Variants in B3GNT3 observed in about 807,000 individuals in gnomAD.
B3GNT3 encodes UDP-GlcNAc:betaGal beta-1,3-N-acetylglucosaminyltransferase 3.
In B3GNT3, 7 loss-of-function variants were observed where a neutral mutation model predicts 11.6. The observed-to-expected ratio is 0.60, with a 90% CI of 0.34 to 1.13. B3GNT3 has a LOEUF of 1.13. Among genes scored for constraint, B3GNT3 ranks in the 50% most tolerant of loss-of-function variants. B3GNT3 has a pLI of 0.03. For missense variants in B3GNT3, 400 were observed against 507.4 expected (o/e 0.79, Z 2.03); for synonymous variants, 201 against 222.1 (o/e 0.90, Z 0.85).
chr19:17,805,798 T>C (rs1323503500), intron 1 of B3GNT3, among the ~76,000 whole-genome samples: 5 of 151,984 alleles, frequency 3.3e-5, no homozygotes, highest in Non-Finnish European at 7.4e-5. Context: ...GTTAGTATCA[T>C]TTACAATTTT....
At position 17,808,199 on chromosome 19, in the gene B3GNT3, GC is replaced by G; in HGVS notation, c.394del (p.Arg132AlafsTer107). On this transcript the variant is annotated frameshift_variant, in exon 2 of 3. Transcript: ENST00000318683. LOFTEE classifies it high-confidence loss of function. ...VRRELLRRTW[G>X]RERKVRGLQL... ...CGCGAGCTGCTGCGGCGCACGTGGG[GC>G]CGCGAGCGCAAGGTACGGGGTTTGC... is the stretch of plus-strand genomic sequence containing the variant. 6.2e-7 allele frequency: 1 copy of G among 1,611,526 alleles called. No individual in the cohort carries two copies. The highest frequency in any genetic ancestry group is 8.5e-7 in the Non-Finnish European group (1 of 1,178,274).
In B3GNT3 at chr19:17,811,337, A is replaced by C. The variant is rs1188710738; in HGVS notation, c.568-234A>C. Among the ~76,000 whole-genome samples, 2 of 152,218 alleles carry C rather than the reference A, an allele frequency of 1.3e-5. No homozygotes were observed. Among genetic ancestry groups the C allele is most frequent in the Non-Finnish European group, 2.9e-5 (2 of 68,034 alleles). On this transcript the variant is annotated intron_variant, in intron 2 of 2. Coordinates refer to ENST00000318683, the MANE Select transcript of B3GNT3 (RefSeq NM_014256.4). The surrounding 1 kb of genome is among the most constrained non-coding windows in gnomAD (Gnocchi z 4.1). ...AGCATTTCTTGGTGCTTCATGGAGCATGGTCTCCATGGATTCCCCAACACT... is the reference window on the plus strand; with the variant it reads ...AGCATTTCTTGGTGCTTCATGGAGCCTGGTCTCCATGGATTCCCCAACACT...
rs541535699 is a variant in B3GNT3 at position 17,811,819 on chromosome 19, C to A, written c.816C>A (p.Gly272=). Residue 272 remains glycine (G), a synonymous_variant, in exon 3 of 3, where the codon GGC becomes GGA. Transcript: ENST00000318683. This position sits in a 1 kb window ranked among gnomAD's most constrained non-coding sequence, Gnocchi z 4.1. ...ACCCACCCTATTGTGGGGGTGGTGG[C>A]TTCTTGCTGTCCCGCTTCACGGCCG... The part of the protein sequence containing the change: ...ERYPPYCGGG[G]FLLSRFTAAA... 6.2e-7 allele frequency: 1 copy of A among 1,614,228 alleles called. No homozygotes were observed. Among genetic ancestry groups the A allele is most frequent in the African/African-American group, 1.3e-5 (1 of 75,056 alleles).
At chr19:17,797,159 T>C (rs553178790) in intron 1 of B3GNT3, among the ~76,000 whole-genome samples, 6 of 152,212 alleles carry the variant, frequency 3.9e-5, no homozygotes, top group Non-Finnish European at 7.4e-5. Flanking sequence ...AGCACACATA[T>C]AGAGTTTAGA....
At chr19:17,796,856 G>A (rs901222575) in intron 1 of B3GNT3, among the ~76,000 whole-genome samples, 17 of 152,228 alleles carry the variant, frequency 1.1e-4, no homozygotes, top group Admixed American at 1.0e-3. Context: ...ATTTCCTCCT[G>A]CCACCAGCCT....
At chr19:17,810,944 AT>A (rs11329592) in intron 2 of B3GNT3, among the ~76,000 whole-genome samples, 87,143 of 151,278 alleles carry the variant, frequency 0.58, 25,616 homozygotes, top group African/African-American at 0.67. Flanking sequence ...GTGGTGGCTC[AT>A]TGCTTGTAAT....
chr19:17,807,644 T>C (rs976363410), intron 1 of B3GNT3, 114 bp from the exon 2 acceptor site: 2 of 638,946 alleles, frequency 3.1e-6, no homozygotes, highest in Admixed American at 6.1e-5. Context: ...AAGTGGGGGG[T>C]GAATTTCAAT....
intron 1 of B3GNT3, among the ~76,000 whole-genome samples, chr19:17,798,077 G>A (rs2094161540): frequency 6.6e-6 from 1 of 152,098 alleles, no homozygotes; most frequent in Admixed American, 6.6e-5. Context: ...AAGGCTCAGT[G>A]AGACTCCTCG....
rs769731266 is a variant in B3GNT3 at position 17,811,882 on chromosome 19, C to T, written c.879C>T (p.Phe293=). 1.1e-5 allele frequency: 17 copies of T among 1,613,972 alleles called. No homozygotes were observed. The highest frequency in any genetic ancestry group is 5.0e-5 in the Admixed American group (3 of 59,996). ...GTGCTGCCCATGTCTTGGACATCTT[C>T]CCCATTGATGATGTCTTCCTGGGTA... ...LRRAAHVLDI[F]PIDDVFLGMC... Residue 293 remains phenylalanine (F), a synonymous_variant, in exon 3 of 3, where the codon TTC becomes TTT. Transcript: ENST00000318683. The surrounding 1 kb of genome is among the most constrained non-coding windows in gnomAD (Gnocchi z 4.1).
chr19:17,796,698 C>T (rs1325088153), intron 1 of B3GNT3, among the ~76,000 whole-genome samples: 3 of 152,204 alleles, frequency 2.0e-5, no homozygotes, highest in Non-Finnish European at 2.9e-5. Context: ...CTCACTCTCA[C>T]CCCTAGGGTG....
rs190137513 is a variant in B3GNT3, at chr19:17,807,366, C to T, written c.-50-392C>T. On this transcript the variant is annotated intron_variant, in intron 1 of 2. Transcript: ENST00000318683. ...AATTAGCCAGGCATGGTGGCTCACACCTGTAATCCCAGCTACTCAGGAGGC... is the reference window on the plus strand; with the variant it reads ...AATTAGCCAGGCATGGTGGCTCACATCTGTAATCCCAGCTACTCAGGAGGC... Among the ~76,000 whole-genome samples the T allele has an allele frequency of 1.2e-3, 183 of 151,810 alleles. 1 individual carries two copies. Among genetic ancestry groups the T allele is most frequent in the African/African-American group, 4.3e-3 (179 of 41,414 alleles).
intron 1 of B3GNT3, among the ~76,000 whole-genome samples, chr19:17,803,526 G>A (rs554909137): frequency 4.1e-4 from 63 of 152,312 alleles, no homozygotes; most frequent in African/African-American, 1.0e-3. Context: ...CTCCAGGCAG[G>A]ACCGACTGGT....
intron 1 of B3GNT3, among the ~76,000 whole-genome samples, chr19:17,799,843 C>T (rs1190187748): frequency 6.6e-6 from 1 of 151,962 alleles, no homozygotes; most frequent in Non-Finnish European, 1.5e-5. Flanking sequence ...CCAGAAGTAG[C>T]CCTATCTGGG....
chr19:17,806,142 ATT>A (rs1249933531), intron 1 of B3GNT3, among the ~76,000 whole-genome samples: 3 of 140,650 alleles, frequency 2.1e-5, no homozygotes, highest in African/African-American at 8.0e-5. Flanking sequence ...TAATTTTTGT[ATT>A]TTCTTTTTTT....
At chr19:17,803,358 G>T (rs976216066) in intron 1 of B3GNT3, among the ~76,000 whole-genome samples, 13 of 152,126 alleles carry the variant, frequency 8.5e-5, no homozygotes, top group Non-Finnish European at 1.8e-4. Flanking sequence ...CAGAGATTGT[G>T]TGGGAAAGAT....
chr19:17,796,042 G>A (rs2094159161), intron 1 of B3GNT3, among the ~76,000 whole-genome samples: 1 of 152,216 alleles, frequency 6.6e-6, no homozygotes, highest in South Asian at 2.1e-4. Flanking sequence ...CCTGTTCCAA[G>A]AATCCCGACC....
chr19:17,799,769 A>G (rs2532999), intron 1 of B3GNT3, among the ~76,000 whole-genome samples: 8,257 of 36,826 alleles, frequency 0.22, 268 homozygotes, highest in African/African-American at 0.32. Context: ...GCCAGCGACC[A>G]GGCTGGTTAG....
intron 1 of B3GNT3, among the ~76,000 whole-genome samples, chr19:17,804,231 CTTTTT>C (rs1447599294): frequency 4.5e-5 from 6 of 134,798 alleles, no homozygotes; most frequent in African/African-American, 1.7e-4. Flanking sequence ...TTCTTTCTTT[CTTTTT>C]TTTCTTTTTT....
intron 1 of B3GNT3, among the ~76,000 whole-genome samples, chr19:17,798,436 C>T (rs1568389319): frequency 6.6e-6 from 1 of 151,868 alleles, no homozygotes; most frequent in Non-Finnish European, 1.5e-5. Context: ...TTTGGGAGAC[C>T]GAGGCGGGTG....
Sources: allele counts gnomAD v4.1 joint callset (sites outside exome capture counted in the v4.1 genomes callset), GRCh38; gene constraint gnomAD v4.1.1; non-coding constraint Gnocchi (gnomAD v3.1); transcripts MANE v1.5; gene names NCBI Gene and HGNC (gene_info 2026-07-23, HGNC 2026-07-21).